KALRN: variants seen among roughly 807,000 people sequenced by gnomAD.
KALRN encodes kalirin.
Under a neutral mutation model 353.7 loss-of-function variants are expected in KALRN, and 70 were observed. The ratio of observed to expected loss-of-function variants is 0.20; its 90% CI spans 0.16 to 0.24. KALRN has a LOEUF of 0.24. Among genes scored for constraint, KALRN ranks in the 10% least tolerant of loss-of-function variants. The pLI is 1.00. For missense variants in KALRN, 2,791 were observed against 3,756.7 expected, an observed-to-expected ratio of 0.74 and a Z score of 6.72; for synonymous variants, 1,391 against 1,434.8, an observed-to-expected ratio of 0.97 and a Z score of 0.69.
intron 33 of KALRN, chr3:124,518,923 C>T: frequency 1.1e-5 from 11 of 1,001,984 alleles, no homozygotes; most frequent in Non-Finnish European, 1.3e-5. Flanking sequence ...CTGGAAAAAC[C>T]CATCATTCTA....
intron 3 of KALRN, among the ~76,000 whole-genome samples, chr3:124,237,314 T>C (rs2079899679): frequency 1.3e-5 from 2 of 151,694 alleles, no homozygotes. Flanking sequence ...TGGAGGTGGA[T>C]TGTTACAGGC....
chr3:124,372,492 A>AATATG (rs59642455), intron 10 of KALRN, among the ~76,000 whole-genome samples: 89,704 of 151,218 alleles, frequency 0.59, 26,884 homozygotes, highest in East Asian at 0.89. Flanking sequence ...TCTTATCTAT[A>AATATG]ATATAATAGC....
Position 124,492,873 on chromosome 3 carries a change from A to G in KALRN, c.4823A>G (p.Asn1608Ser), listed in dbSNP as rs758030428. 8 of 1,613,966 alleles carry G rather than the reference A, an allele frequency of 5.0e-6. No individual in the cohort carries two copies. Among genetic ancestry groups the G allele is most frequent in the South Asian group, 1.1e-5 (1 of 91,072 alleles). Residue 1608 changes from asparagine to serine, a missense_variant, in exon 32 of 60, where the codon AAT (asparagine) becomes AGT (serine). Physicochemically the swap from Asn to Ser is conservative, Grantham distance 46. Coordinates refer to ENST00000682506, the MANE Select transcript of KALRN (RefSeq NM_001388419.1). ...LPKTPAKQRNNSKRDGVEDID... is the reference protein window; with the variant it reads ...LPKTPAKQRNSSKRDGVEDID... ...AAAACACCAGCCAAACAGAGGAACA[A>G]TAGTAAGAGGTAACCAGCACCTCTC...
intron 25 of KALRN, among the ~76,000 whole-genome samples, chr3:124,468,866 C>A (rs1169421244): frequency 2.0e-5 from 3 of 152,242 alleles, no homozygotes; most frequent in African/African-American, 7.2e-5. Context: ...ACAAATGTAG[C>A]TGTGGTCTTG....
chr3:124,496,499 C>A, intron 33 of KALRN, 86 bp downstream of exon 33: 1 of 965,584 alleles, frequency 1.0e-6, no homozygotes, highest in Non-Finnish European at 1.7e-6. Flanking sequence ...GAATTTCTCT[C>A]ACTATGGATC....
intron 6 of KALRN, among the ~76,000 whole-genome samples, chr3:124,323,610 G>A (rs2079570165): frequency 6.6e-6 from 1 of 152,154 alleles, no homozygotes; most frequent in South Asian, 2.1e-4. Context: ...GCCATGGGAG[G>A]GAGGAGGATG....
intron 1 of KALRN, among the ~76,000 whole-genome samples, chr3:124,226,831 G>A (rs1385436090): frequency 1.3e-5 from 2 of 152,144 alleles, no homozygotes; most frequent in Non-Finnish European, 2.9e-5. Context: ...GACCCTAAGG[G>A]TGTAAGCCAA....
In KALRN at chr3:124,138,906, A is replaced by G. The variant is rs185146403; in HGVS notation, c.74-89084A>G. Among the ~76,000 whole-genome samples, 107 of 152,242 alleles carry G rather than the reference A, an allele frequency of 7.0e-4. No homozygotes were observed. The South Asian group carries it at 0.014, about 20-fold the overall frequency. ...GGCTATTAGTGTGAGGGAGCCCAAA[A>G]GTTGAGATGGTGTTCTCTGATATTG... is the stretch of plus-strand genomic sequence containing the variant. On this transcript the variant is annotated intron_variant, in intron 1 of 59. Coordinates refer to ENST00000682506, the MANE Select transcript of KALRN (RefSeq NM_001388419.1).
At chr3:124,344,076 A>G (rs565677625) in intron 9 of KALRN, among the ~76,000 whole-genome samples, 3 of 152,346 alleles carry the variant, frequency 2.0e-5, no homozygotes, top group Middle Eastern at 3.4e-3. Flanking sequence ...TATCCTGACT[A>G]TGATTGGTAA....
At position 124,334,216 on chromosome 3, in the gene KALRN, C is replaced by T. The variant is rs749943553; in HGVS notation, c.1417-49C>T. 1.3e-6 allele frequency: 2 copies of T among 1,491,330 alleles called. No homozygotes were observed. The highest frequency in any genetic ancestry group is 2.8e-5 in the African/African-American group (2 of 72,618). 92.4% of individuals were successfully genotyped at this position (1,491,330 alleles called of 1,614,324 possible). ...AGACACTTCCTGCTTCTCTCTGTGCCCTGCCTATCACCCTTTTCCCTTAAC... is the reference window on the plus strand; with the variant it reads ...AGACACTTCCTGCTTCTCTCTGTGCTCTGCCTATCACCCTTTTCCCTTAAC... On this transcript the variant is annotated intron_variant, in intron 8 of 59. Transcript: ENST00000682506. The surrounding 1 kb of genome is among the most constrained non-coding windows in gnomAD (Gnocchi z 4.2).
chr3:124,330,092 C>A lies in KALRN; in HGVS notation c.1416+100C>A, dbSNP rs191606391. 116 of 1,261,692 alleles carry A rather than the reference C, an allele frequency of 9.2e-5. No homozygotes were observed. In the East Asian group the frequency reaches 3.0e-3, roughly 32 times the overall value. 78.2% of individuals were successfully genotyped at this position (1,261,692 alleles called of 1,614,324 possible). On this transcript the variant is annotated intron_variant, in intron 8 of 59. Transcript: ENST00000682506. ...GCCCTGTGAAATAGCCTGGGTGGGA[C>A]TAAGAAGAAGAGGCTGTTTTTCTTT...
chr3:124,302,159 T>C (rs1481305058), intron 6 of KALRN, among the ~76,000 whole-genome samples: 6 of 152,188 alleles, frequency 3.9e-5, no homozygotes, highest in African/African-American at 1.2e-4. Flanking sequence ...TCATTTAACA[T>C]ATAATTAAAG....
At chr3:124,623,994 C>G (rs540072008) in intron 34 of KALRN, among the ~76,000 whole-genome samples, 2 of 152,212 alleles carry the variant, frequency 1.3e-5, no homozygotes, top group Non-Finnish European at 2.9e-5. Context: ...TCACTTTCCA[C>G]AGTTTCAGTT....
chr3:124,554,990 T>C (rs547010675), intron 33 of KALRN, among the ~76,000 whole-genome samples: 20 of 152,298 alleles, frequency 1.3e-4, no homozygotes, highest in Non-Finnish European at 2.4e-4. Context: ...CATCTCTCCA[T>C]TCTACATTTA....
chr3:124,638,754 C>CT (rs201257597), intron 37 of KALRN, among the ~76,000 whole-genome samples: 17,269 of 137,658 alleles, frequency 0.13, 1,049 homozygotes, highest in Middle Eastern at 0.22. Context: ...CAGTGGTCTC[C>CT]AATGGGGGGG....
intron 16 of KALRN, among the ~76,000 whole-genome samples, chr3:124,433,519 C>T (rs1432321466): frequency 1.3e-5 from 2 of 150,764 alleles, no homozygotes; most frequent in Non-Finnish European, 2.9e-5. Flanking sequence ...TTGCTTGAGC[C>T]CAGTTCAAGG....
chr3:124,575,637 C>T (rs1180570450), intron 34 of KALRN, among the ~76,000 whole-genome samples: 1 of 152,206 alleles, frequency 6.6e-6, no homozygotes, highest in African/African-American at 2.4e-5. Flanking sequence ...GGGCCACATT[C>T]CTTTTTGTAG....
Position 124,168,026 on chromosome 3 carries a change from A to C in KALRN, c.74-59964A>C, listed in dbSNP as rs180779891. The stretch of plus-strand genomic sequence containing the variant: ...ACCCACCCATCTCTAAGGCTGAGTG[A>C]TTCTGTGACTTTGTGTTGGGAAGAT... On this transcript the variant is annotated intron_variant, in intron 1 of 59. Coordinates refer to ENST00000682506, the MANE Select transcript of KALRN (RefSeq NM_001388419.1). Among the ~76,000 whole-genome samples, 40 of 152,234 alleles carry C rather than the reference A, an allele frequency of 2.6e-4. No homozygotes were observed. In the East Asian group the frequency reaches 6.9e-3, roughly 26 times the overall value.
Position 124,496,339 on chromosome 3 carries a change from G to C in KALRN, c.4861G>C (p.Gly1621Arg). The C allele has an allele frequency of 6.2e-7, 1 of 1,613,314 alleles. No individual in the cohort carries two copies. Among genetic ancestry groups the C allele is most frequent in the Non-Finnish European group, 8.5e-7 (1 of 1,179,758 alleles). Residue 1621 changes from glycine to arginine, a missense_variant, in exon 33 of 60, where the codon GGG becomes CGG. Transcript: ENST00000682506. The part of the protein sequence containing the change: ...RDGVEDIDSQ[G>R]DGSSQPDTIS... ...TGGAGTGGAGGATATTGACAGCCAG[G>C]GGGATGGGAGCAGCCAACCAGACAC...
Sources: allele counts gnomAD v4.1 joint callset (sites outside exome capture counted in the v4.1 genomes callset), GRCh38; gene constraint gnomAD v4.1.1; non-coding constraint Gnocchi (gnomAD v3.1); transcripts MANE v1.5; gene names NCBI Gene and HGNC (gene_info 2026-07-23, HGNC 2026-07-21).